WDPCP: variants seen among roughly 807,000 people sequenced by gnomAD.
WDPCP encodes WD repeat-containing and planar cell polarity effector protein fritz homolog.
Under a neutral mutation model 93.1 loss-of-function variants are expected in WDPCP, and 71 were observed. The observed-to-expected ratio is 0.76, with a 90% CI of 0.63 to 0.93. The LOEUF is 0.93. Ranked by LOEUF, WDPCP falls within the 40% of genes least tolerant of loss-of-function variation. The pLI is 0.00. For synonymous variants in WDPCP, 315 were observed against 315.0 expected, an observed-to-expected ratio of 1.00 and a Z score of 0.00; for missense variants, 844 against 887.4, an observed-to-expected ratio of 0.95 and a Z score of 0.62.
chr2:63,616,774 T>C lies in WDPCP; in HGVS notation n.488+33885A>G, dbSNP rs569382929. 1.4e-4 allele frequency among the ~76,000 whole-genome samples: 21 copies of C among 152,262 alleles called. No homozygotes were observed. The South Asian group carries it at 2.1e-3, about 15-fold the overall frequency. On this transcript the variant is annotated intron_variant and non_coding_transcript_variant, in intron 3 of 4. Transcript: ENST00000467687. ...AAAAAGTATATGCAAATAAGGATAT[T>C]AGTGATAATGTGAAAAGGACTAAAT...
chr2:63,178,984 C>T (rs892985842), intron 14 of WDPCP, among the ~76,000 whole-genome samples: 1 of 151,976 alleles, frequency 6.6e-6, no homozygotes, highest in Non-Finnish European at 1.5e-5. Flanking sequence ...GTTCTTGCAT[C>T]ACTATAAAGA....
At chr2:63,723,455 C>T (rs1191109348) in intron 2 of WDPCP, among the ~76,000 whole-genome samples, 2 of 152,136 alleles carry the variant, frequency 1.3e-5, no homozygotes, top group Non-Finnish European at 2.9e-5. Flanking sequence ...CTTTTAGAAT[C>T]TTATAATTTC....
At chr2:63,561,561 T>G (rs374586123) in intron 1 of WDPCP, among the ~76,000 whole-genome samples, 1 of 150,956 alleles carries the variant, frequency 6.6e-6, no homozygotes, top group African/African-American at 2.4e-5. Context: ...AGCTTCTGCA[T>G]AGCAAAAGAA....
intron 9 of WDPCP, among the ~76,000 whole-genome samples, chr2:63,428,276 C>T (rs530020506): frequency 7.2e-5 from 11 of 151,804 alleles, no homozygotes; most frequent in Non-Finnish European, 1.2e-4. Flanking sequence ...GGCAGAGACA[C>T]AACAAAAAAA....
chr2:63,230,598 A>G (rs1304032455), intron 14 of WDPCP, among the ~76,000 whole-genome samples: 2 of 151,892 alleles, frequency 1.3e-5, no homozygotes, highest in African/African-American at 4.8e-5. Context: ...TCCAGCACCT[A>G]TTGTTTCCTG....
intron 12 of WDPCP, among the ~76,000 whole-genome samples, chr2:63,367,269 C>A (rs374034323): frequency 6.6e-6 from 1 of 151,952 alleles, no homozygotes; most frequent in South Asian, 2.1e-4. Flanking sequence ...CAACAAGATG[C>A]CAAATTTCAT....
intron 9 of WDPCP, among the ~76,000 whole-genome samples, chr2:63,427,411 A>C (rs552487773): frequency 1.3e-5 from 2 of 152,348 alleles, no homozygotes; most frequent in African/African-American, 2.4e-5. Flanking sequence ...CATTGCAATA[A>C]AAATAGAAAT....
intron 1 of WDPCP, among the ~76,000 whole-genome samples, chr2:63,814,800 T>C (rs566691085): frequency 6.6e-6 from 1 of 152,352 alleles, no homozygotes; most frequent in Admixed American, 6.5e-5. Context: ...GTCTTCACTG[T>C]CTTTTCTGTT....
chr2:63,469,780 T>C (rs1282832989), intron 6 of WDPCP, among the ~76,000 whole-genome samples: 1 of 152,134 alleles, frequency 6.6e-6, no homozygotes, highest in Admixed American at 6.5e-5. Flanking sequence ...CAAAATAATC[T>C]GTATAACAAA....
At chr2:63,504,907 A>G (rs1424999757) in intron 1 of WDPCP, among the ~76,000 whole-genome samples, 3 of 152,090 alleles carry the variant, frequency 2.0e-5, no homozygotes, top group Non-Finnish European at 2.9e-5. Context: ...TTGCTTAGCA[A>G]ACTTCACAGA....
chr2:63,382,899 AC>A (rs1248972518), intron 10 of WDPCP, among the ~76,000 whole-genome samples: 1 of 152,174 alleles, frequency 6.6e-6, no homozygotes. Flanking sequence ...TGACCGTCCA[AC>A]AGCCTTCATG....
intron 13 of WDPCP, among the ~76,000 whole-genome samples, chr2:63,303,702 C>T (rs1174127850): frequency 6.6e-6 from 1 of 152,194 alleles, no homozygotes. Context: ...TCACCGTTCT[C>T]TTTTCCCAGA....
intron 10 of WDPCP, among the ~76,000 whole-genome samples, chr2:63,388,932 C>T (rs1399679648): frequency 2.0e-5 from 3 of 152,044 alleles, no homozygotes; most frequent in Non-Finnish European, 4.4e-5. Context: ...ATAGGTGTAC[C>T]TAAAAGTGAT....
intron 17 of WDPCP, among the ~76,000 whole-genome samples, chr2:63,127,071 G>A (rs529630684): frequency 1.3e-5 from 2 of 150,712 alleles, no homozygotes; most frequent in East Asian, 3.9e-4. Flanking sequence ...AAATCTTTCA[G>A]AAAGTAAATA....
At chr2:63,602,689 G>A (rs1709446095) in intron 3 of WDPCP, among the ~76,000 whole-genome samples, 1 of 151,888 alleles carries the variant, frequency 6.6e-6, no homozygotes, top group African/African-American at 2.4e-5. Context: ...CTCCCTTATG[G>A]TCACACCACC....
At chr2:63,152,184 T>G (rs1426745768) in intron 17 of WDPCP, among the ~76,000 whole-genome samples, 1 of 152,058 alleles carries the variant, frequency 6.6e-6, no homozygotes, top group Non-Finnish European at 1.5e-5. Context: ...TTTGGATAAT[T>G]TCAAACATAT....
intron 2 of WDPCP, among the ~76,000 whole-genome samples, chr2:63,704,323 C>A (rs953898148): frequency 6.6e-6 from 1 of 152,178 alleles, no homozygotes; most frequent in African/African-American, 2.4e-5. Context: ...CTGGCCAGAA[C>A]TTCCAACACT....
At chr2:63,425,029 G>A (rs1299569851) in intron 9 of WDPCP, among the ~76,000 whole-genome samples, 1 of 152,132 alleles carries the variant, frequency 6.6e-6, no homozygotes, top group Non-Finnish European at 1.5e-5. Context: ...CTACTGGATT[G>A]CAGCCTAAAT....
chr2:63,463,141 G>T (rs1227390760), intron 6 of WDPCP, among the ~76,000 whole-genome samples: 1 of 144,464 alleles, frequency 6.9e-6, no homozygotes, highest in Non-Finnish European at 1.5e-5. Flanking sequence ...AGAGAACACT[G>T]AAAGAACCAA....
Sources: gnomAD v4.1 joint callset for allele counts (sites outside exome capture counted in the v4.1 genomes callset) on GRCh38, gnomAD v4.1.1 for gene constraint, MANE v1.5 for transcripts, NCBI Gene and HGNC (gene_info 2026-07-23, HGNC 2026-07-21) for gene names.